GRAP2: variants seen among roughly 807,000 people sequenced by gnomAD.
GRAP2 encodes GRB2 related adaptor protein 2.
In GRAP2, 31 loss-of-function variants were observed where a neutral mutation model predicts 43.5. The observed-to-expected ratio is 0.71, with a 90% CI of 0.54 to 0.96. GRAP2 has a LOEUF of 0.96. Among genes scored for constraint, GRAP2 ranks in the 40% least tolerant of loss-of-function variants. The pLI is 0.00. For missense variants in GRAP2, 371 were observed against 424.4 expected (o/e 0.87, Z 1.11); for synonymous variants, 156 against 164.8 (o/e 0.95, Z 0.41).
chr22:39,921,041 G>A (rs188621932), intron 1 of GRAP2, among the ~76,000 whole-genome samples: 9 of 151,590 alleles, frequency 5.9e-5, no homozygotes, highest in East Asian at 5.8e-4. Context: ...ATGAAGAATC[G>A]TTTGTATATT....
At position 39,961,072 on chromosome 22, in the gene GRAP2, A is replaced by G. The variant is rs372513079; in HGVS notation, c.290+898A>G. 5.3e-5 allele frequency among the ~76,000 whole-genome samples: 8 copies of G among 151,922 alleles called. No individual in the cohort carries two copies. In the East Asian group the frequency reaches 1.5e-3, roughly 29 times the overall value. ...GCCATCTTCCCACCTCAGCCTCTCAAGTAGCTGGGGATACAGGTGCACACC... is the reference window on the plus strand; with the variant it reads ...GCCATCTTCCCACCTCAGCCTCTCAGGTAGCTGGGGATACAGGTGCACACC... On this transcript the variant is annotated intron_variant, in intron 4 of 7. Transcript: ENST00000344138.
chr22:39,901,325 CA>C lies in GRAP2; in HGVS notation c.-16del. 4 of 1,183,428 alleles carry C rather than the reference CA, an allele frequency of 3.4e-6. No individual in the cohort carries two copies. The highest frequency in any genetic ancestry group is 3.4e-6 in the Non-Finnish European group (3 of 892,180). 73.3% of individuals were successfully genotyped at this position (1,183,428 alleles called of 1,614,324 possible). A position where few individuals can be genotyped will look rare whatever the true frequency, so the allele number is the denominator to read the frequency against. ...GACATAAACTCAACCCCTTCTCTTC[CA>C]AAAGGTATGTCATTATACAACATCT... On this transcript the variant is annotated 5_prime_UTR_variant, in exon 1 of 8. Coordinates refer to ENST00000344138, the MANE Select transcript of GRAP2 (RefSeq NM_004810.4).
chr22:39,965,939 G>C (rs748004836), intron 4 of GRAP2, 51 bp from the exon 5 acceptor site: 3 of 1,459,262 alleles, frequency 2.1e-6, no homozygotes, highest in Non-Finnish European at 2.9e-6. Context: ...GCCTGGAGGT[G>C]GTGACATTAT....
intron 1 of GRAP2, among the ~76,000 whole-genome samples, chr22:39,939,048 C>G (rs1312434411): frequency 6.6e-6 from 1 of 152,178 alleles, no homozygotes; most frequent in South Asian, 2.1e-4. Flanking sequence ...CAAAAATGCC[C>G]TGTATGTGCA....
intron 1 of GRAP2, among the ~76,000 whole-genome samples, chr22:39,925,539 A>G (rs548595419): frequency 5.9e-5 from 9 of 152,148 alleles, no homozygotes; most frequent in South Asian, 4.2e-4. Flanking sequence ...CACCTCCTCA[A>G]CTTACCAAGA....
At chr22:39,961,668 G>C (rs945211518) in intron 4 of GRAP2, among the ~76,000 whole-genome samples, 1 of 152,288 alleles carries the variant, frequency 6.6e-6, no homozygotes, top group East Asian at 1.9e-4. Flanking sequence ...GTTGAGGATC[G>C]CAAGTCACGT....
chr22:39,898,539 G>A (rs187289030), upstream of GRAP2, among the ~76,000 whole-genome samples: 135 of 152,268 alleles, frequency 8.9e-4, no homozygotes, highest in African/African-American at 3.1e-3. Context: ...TTGGCCAGGC[G>A]CAGTGGCTCA....
At chr22:39,919,967 C>T (rs1158890580) in intron 1 of GRAP2, among the ~76,000 whole-genome samples, 3 of 152,206 alleles carry the variant, frequency 2.0e-5, no homozygotes, top group Admixed American at 6.5e-5. Context: ...AGAGATTATA[C>T]GAACTCCTAA....
intron 1 of GRAP2, among the ~76,000 whole-genome samples, chr22:39,932,459 C>T (rs2066765078): frequency 6.6e-6 from 1 of 151,120 alleles, no homozygotes; most frequent in African/African-American, 2.4e-5. Flanking sequence ...GCCTTTAATC[C>T]CAGCACTTTG....
chr22:39,907,543 C>G (rs1302297519), intron 1 of GRAP2, among the ~76,000 whole-genome samples: 2 of 152,150 alleles, frequency 1.3e-5, no homozygotes, highest in Non-Finnish European at 2.9e-5. Context: ...TTGAGACCAG[C>G]CTGGGCAACA....
intron 1 of GRAP2, 147 bp from the exon 2 acceptor site, chr22:39,946,946 C>G: frequency 1.6e-6 from 1 of 629,078 alleles, no homozygotes; most frequent in East Asian, 2.7e-5. Flanking sequence ...AACACAAGCC[C>G]TTGTTGTGTG....
rs976610981 is a variant in GRAP2 at position 39,968,935 on chromosome 22, G to T, written c.691-476G>T. Among the ~76,000 whole-genome samples, 3 of 152,288 alleles carry T rather than the reference G, an allele frequency of 2.0e-5. No individual in the cohort carries two copies. In the East Asian group the frequency reaches 5.8e-4, roughly 29 times the overall value. On this transcript the variant is annotated intron_variant, in intron 6 of 7. Transcript: ENST00000344138. ...ATGCCTTTGTGGCGTTTTATATGCT[G>T]ATCTCTCTGCCTGATGAGCCCCTCC...
chr22:39,957,592 C>T (rs1261239577), intron 3 of GRAP2, among the ~76,000 whole-genome samples: 4 of 152,148 alleles, frequency 2.6e-5, no homozygotes, highest in Admixed American at 6.5e-5. Context: ...CAAACACACA[C>T]GCTGCAATTT....
chr22:39,949,094 G>A (rs1211935799), intron 2 of GRAP2, among the ~76,000 whole-genome samples: 1 of 152,026 alleles, frequency 6.6e-6, no homozygotes, highest in African/African-American at 2.4e-5. Context: ...TCTGCTGGAT[G>A]TCCCCACATG....
At chr22:39,937,088 G>C (rs2066814075) in intron 1 of GRAP2, among the ~76,000 whole-genome samples, 2 of 152,182 alleles carry the variant, frequency 1.3e-5, no homozygotes, top group South Asian at 4.1e-4. Flanking sequence ...GAAATCTCTT[G>C]CCTCCATTTC....
chr22:39,942,116 A>G (rs2066877459), intron 1 of GRAP2, among the ~76,000 whole-genome samples: 3 of 152,330 alleles, frequency 2.0e-5, no homozygotes, highest in Admixed American at 1.3e-4. Context: ...TCCATAATAC[A>G]TGCTAATATG....
intron 1 of GRAP2, among the ~76,000 whole-genome samples, chr22:39,939,258 C>T (rs969700693): frequency 2.6e-5 from 4 of 152,160 alleles, no homozygotes; most frequent in South Asian, 2.1e-4. Flanking sequence ...CCTGGGATCT[C>T]GAACCTGAGA....
intron 1 of GRAP2, among the ~76,000 whole-genome samples, chr22:39,935,740 A>G (rs1419901917): frequency 6.6e-6 from 1 of 152,176 alleles, no homozygotes; most frequent in Non-Finnish European, 1.5e-5. Flanking sequence ...ACAACAAATG[A>G]GGGCTTGGGA....
At chr22:39,911,440 A>G (rs572600096) in intron 1 of GRAP2, among the ~76,000 whole-genome samples, 1 of 151,824 alleles carries the variant, frequency 6.6e-6, no homozygotes, top group African/African-American at 2.4e-5. Context: ...CGGGACTACA[A>G]AGATCTTATA....
Sources: allele counts gnomAD v4.1 joint callset (sites outside exome capture counted in the v4.1 genomes callset), GRCh38; gene constraint gnomAD v4.1.1; transcripts MANE v1.5; gene names NCBI Gene and HGNC (gene_info 2026-07-23, HGNC 2026-07-21).